Variants in PDE1C observed in about 807,000 individuals in gnomAD.
PDE1C encodes dual specificity calcium/calmodulin-dependent 3',5'-cyclic nucleotide phosphodiesterase 1C.
PDE1C carries 62 observed loss-of-function variants against 93.1 expected under a neutral mutation model. That is an observed-to-expected ratio of 0.67 (90% CI 0.54 to 0.82). The LOEUF (loss-of-function observed/expected upper bound fraction) is 0.82, where lower values mean the gene tolerates loss of function less well. Among genes scored for constraint, PDE1C ranks in the 40% least tolerant of loss-of-function variants. The pLI is 0.00. For synonymous variants in PDE1C, 325 were observed against 310.1 expected (o/e 1.05, Z -0.50); for missense variants, 742 against 884.6 (o/e 0.84, Z 2.04).
intron 1 of PDE1C, among the ~76,000 whole-genome samples, chr7:32,068,316 T>C (rs538909276): frequency 6.6e-6 from 1 of 152,238 alleles, no homozygotes; most frequent in East Asian, 1.9e-4. Flanking sequence ...ACTGCAAAAA[T>C]GTTATTCCAA....
chr7:31,855,380 G>T (rs1793884424), intron 7 of PDE1C, among the ~76,000 whole-genome samples: 1 of 152,048 alleles, frequency 6.6e-6, no homozygotes, highest in Admixed American at 6.6e-5. Flanking sequence ...TGATGAACTT[G>T]TGTGATTACA....
chr7:31,685,055 C>T, the PDE1C span, among the ~76,000 whole-genome samples: 5 of 151,108 alleles, frequency 3.3e-5, no homozygotes, highest in Non-Finnish European at 7.4e-5. Flanking sequence ...TACTATTCAG[C>T]AATGACAAAG....
chr7:32,339,040 A>G (rs1273976293), intron 1 of PDE1C, among the ~76,000 whole-genome samples: 1 of 151,742 alleles, frequency 6.6e-6, no homozygotes, highest in Non-Finnish European at 1.5e-5. Context: ...ACACACACAC[A>G]CACACACAAA....
chr7:31,653,624 A>T, the PDE1C span: 2 of 151,690 alleles, frequency 1.3e-5, no homozygotes, highest in African/African-American at 2.4e-5. Flanking sequence ...TTTAGCTTTT[A>T]AAAAAATCTT....
In PDE1C at chr7:32,009,944, A is replaced by T. The variant is rs138784560; in HGVS notation, c.128+41610T>A. 2.8e-3 allele frequency among the ~76,000 whole-genome samples: 426 copies of T among 152,366 alleles called. 3 individuals carry two copies. Among genetic ancestry groups the T allele is most frequent in the African/African-American group, 9.7e-3 (402 of 41,594 alleles). On this transcript the variant is annotated intron_variant, in intron 2 of 17. Coordinates refer to ENST00000396191, the MANE Select transcript of PDE1C (RefSeq NM_001191057.4). ...AATACCATCTATAGTCATATAAAAA[A>T]TCTGAAATGCTAATAAATCTAACAA...
intron 2 of PDE1C, among the ~76,000 whole-genome samples, chr7:32,028,190 A>AT (rs760589593): frequency 3.3e-5 from 5 of 152,164 alleles, no homozygotes; most frequent in Non-Finnish European, 7.4e-5. Context: ...ATTATTTATC[A>AT]TTTTAACATG....
intron 3 of PDE1C, among the ~76,000 whole-genome samples, chr7:32,112,840 GTGTGTGTATATATA>G (rs1386125351): frequency 3.7e-5 from 2 of 53,674 alleles, no homozygotes; most frequent in African/African-American, 9.4e-5. Flanking sequence ...GTGTGTGTGT[GTGTGTGTATATATA>G]TATATATATA....
the PDE1C span, among the ~76,000 whole-genome samples, chr7:31,617,651 AG>A: frequency 0.97 from 147,776 of 151,776 alleles, 71,960 homozygotes; most frequent in East Asian, 0.99. Context: ...CATCTTTTAA[AG>A]GAAAAAAAAA....
At chr7:32,414,419 A>G (rs529520427) in intron 1 of PDE1C, among the ~76,000 whole-genome samples, 1 of 152,278 alleles carries the variant, frequency 6.6e-6, no homozygotes, top group Admixed American at 6.5e-5. Context: ...CATATACAGT[A>G]TGTGTATATG....
At chr7:32,090,183 T>TTA (rs3078638) in intron 3 of PDE1C, among the ~76,000 whole-genome samples, 94,515 of 151,688 alleles carry the variant, frequency 0.62, 29,656 homozygotes, top group African/African-American at 0.69. Flanking sequence ...ATAACATAAA[T>TTA]AAAAAAATAG....
intron 1 of PDE1C, among the ~76,000 whole-genome samples, chr7:32,398,131 C>A (rs1038982372): frequency 6.7e-6 from 1 of 149,094 alleles, no homozygotes; most frequent in Non-Finnish European, 1.5e-5. Flanking sequence ...CCAGCCTGGG[C>A]TGCAGAGCAA....
intron 2 of PDE1C, among the ~76,000 whole-genome samples, chr7:32,204,087 T>C (rs1166983473): frequency 6.6e-6 from 1 of 152,132 alleles, no homozygotes; most frequent in African/African-American, 2.4e-5. Context: ...ATAAGGGTGA[T>C]TTGAACACAA....
intron 1 of PDE1C, among the ~76,000 whole-genome samples, chr7:32,354,053 TTC>T (rs761922862): frequency 1.2e-4 from 18 of 152,328 alleles, no homozygotes; most frequent in Admixed American, 2.0e-4. Flanking sequence ...TTTGCCTGTT[TTC>T]TTTCTCCTCT....
chr7:32,279,975 T>G (rs1165749584), intron 1 of PDE1C, among the ~76,000 whole-genome samples: 1 of 152,128 alleles, frequency 6.6e-6, no homozygotes, highest in Non-Finnish European at 1.5e-5. Flanking sequence ...GGGAAAAAAA[T>G]GTAGACTATC....
At chr7:31,650,050 C>T in the PDE1C span, among the ~76,000 whole-genome samples, 3,327 of 152,182 alleles carry the variant, frequency 0.022, 125 homozygotes, top group African/African-American at 0.076. Context: ...GTTTGTGAGC[C>T]AGCAGTAACT....
chr7:31,783,130 G>A (rs1783563653), intron 16 of PDE1C, among the ~76,000 whole-genome samples: 1 of 152,130 alleles, frequency 6.6e-6, no homozygotes, highest in Non-Finnish European at 1.5e-5. Context: ...TTCAAGAGTA[G>A]GAGAAAGAAA....
At chr7:31,802,898 A>G (rs1180476971) in intron 16 of PDE1C, among the ~76,000 whole-genome samples, 1 of 151,642 alleles carries the variant, frequency 6.6e-6, no homozygotes, top group Non-Finnish European at 1.5e-5. Flanking sequence ...AGTTTTCCTT[A>G]TATTCCCTGT....
At chr7:31,658,542 C>T in the PDE1C span, 1 of 484,318 alleles carries the variant, frequency 2.1e-6, no homozygotes, top group Non-Finnish European at 3.3e-6. Flanking sequence ...TGGTGGGTTG[C>T]ATACGTAATT....
chr7:32,230,198 G>C (rs906556126), intron 1 of PDE1C, among the ~76,000 whole-genome samples: 4 of 152,176 alleles, frequency 2.6e-5, no homozygotes, highest in African/African-American at 9.7e-5. Flanking sequence ...AAGCCTTCCT[G>C]GCTCCCATGG....
Sources: allele counts gnomAD v4.1 joint callset (sites outside exome capture counted in the v4.1 genomes callset), GRCh38; gene constraint gnomAD v4.1.1; transcripts MANE v1.5; gene names NCBI Gene and HGNC (gene_info 2026-07-23, HGNC 2026-07-21).